The following KDM2B variants were observed in gnomAD, a reference collection of about 807,000 sequenced individuals.
The protein encoded by KDM2B is lysine demethylase 2B.
KDM2B carries 26 observed loss-of-function variants against 150.0 expected under a neutral mutation model. That is an observed-to-expected ratio of 0.17 (90% confidence interval 0.13 to 0.24). KDM2B has a LOEUF of 0.24. Among genes scored for constraint, KDM2B ranks in the 10% least tolerant of loss-of-function variants. The pLI, the probability that KDM2B is intolerant of heterozygous loss-of-function variation, is 1.00. For missense variants in KDM2B, 1,265 were observed against 1,816.9 expected, an observed-to-expected ratio of 0.70 and a Z score of 5.52; for synonymous variants, 734 against 729.5, an observed-to-expected ratio of 1.01 and a Z score of -0.10.
intron 12 of KDM2B, chr12:121,470,553 T>C (rs1168868939): frequency 4.6e-5 from 7 of 152,276 alleles, no homozygotes; most frequent in African/African-American, 1.7e-4. Context: ...GTAAGTCTGC[T>C]GTAGACATGA....
At position 121,513,535 on chromosome 12, in the gene KDM2B, G is replaced by T. The variant is rs1885770456; in HGVS notation, c.1048-133C>A. ...ATCTTAGCGAGAGCATGGATGGTCG[G>T]GGGAGAAATGGTGGGGTGCTGGAAG... is the stretch of plus-strand genomic sequence containing the variant. On this transcript the variant is annotated intron_variant, in intron 9 of 22. Coordinates refer to ENST00000377071, the MANE Select transcript of KDM2B (RefSeq NM_032590.5). This position sits in a 1 kb window ranked among gnomAD's most constrained non-coding sequence, Gnocchi z 5.0. 1 of 987,052 alleles carries T rather than the reference G, an allele frequency of 1.0e-6. No individual in the cohort carries two copies. Among genetic ancestry groups the T allele is most frequent in the Admixed American group, 2.3e-5 (1 of 43,598 alleles). The allele number at this position is 987,052 out of a possible 1,614,324, so 61.1% of individuals were successfully genotyped here. A position where few individuals can be genotyped will look rare whatever the true frequency, so the allele number is the denominator to read the frequency against.
chr12:121,428,699 T>A (rs1375260359), downstream of KDM2B, among the ~76,000 whole-genome samples: 1 of 152,282 alleles, frequency 6.6e-6, no homozygotes, highest in African/African-American at 2.4e-5. Flanking sequence ...TTAAAAAAAA[T>A]TCCGTAATCT....
At chr12:121,507,022 G>A (rs1411723407) in intron 11 of KDM2B, among the ~76,000 whole-genome samples, 15 of 151,462 alleles carry the variant, frequency 9.9e-5, no homozygotes, top group Non-Finnish European at 1.8e-4. Context: ...GTGTGAACCC[G>A]GGAGGTGGAG....
At chr12:121,569,049 T>C (rs1053743569) in intron 4 of KDM2B, among the ~76,000 whole-genome samples, 7 of 152,140 alleles carry the variant, frequency 4.6e-5, no homozygotes, top group Admixed American at 6.5e-5. Context: ...GGTAAGACAC[T>C]GGAAGACAGA....
intron 22 of KDM2B, among the ~76,000 whole-genome samples, chr12:121,433,901 C>T (rs10849882): frequency 0.34 from 52,262 of 151,924 alleles, 9,699 homozygotes; most frequent in East Asian, 0.44. Flanking sequence ...ATACATAGGC[C>T]GGGCGCGACT....
intron 9 of KDM2B, chr12:121,516,661 C>A: frequency 1.5e-6 from 1 of 689,032 alleles, no homozygotes; most frequent in African/African-American, 2.0e-5. Context: ...TGCAGGTCAT[C>A]CGTCTACCAG....
At chr12:121,439,657 G>A (rs1484083074) in intron 22 of KDM2B, among the ~76,000 whole-genome samples, 200 bp downstream of exon 22, 2 of 152,122 alleles carry the variant, frequency 1.3e-5, no homozygotes, top group Admixed American at 6.5e-5. Context: ...TGGGATTACG[G>A]GCGTGAGCTA....
chr12:121,556,081 C>G (rs1350382242), intron 4 of KDM2B, among the ~76,000 whole-genome samples: 1 of 151,888 alleles, frequency 6.6e-6, no homozygotes, highest in African/African-American at 2.4e-5. Flanking sequence ...AACGCACCAC[C>G]ACGCCTGGCT....
At chr12:121,472,453 T>C (rs182332612) in intron 12 of KDM2B, among the ~76,000 whole-genome samples, 2 of 152,300 alleles carry the variant, frequency 1.3e-5, no homozygotes, top group East Asian at 1.9e-4. Flanking sequence ...TGTTACTTAA[T>C]TGCTTTTTAT....
intron 4 of KDM2B, among the ~76,000 whole-genome samples, chr12:121,560,116 G>A (rs28587980): frequency 2.2e-4 from 34 of 152,080 alleles, no homozygotes; most frequent in Middle Eastern, 6.8e-3. Context: ...GCGATCCTCC[G>A]ACCTCAGCCT....
chr12:121,564,247 G>A (rs1381089965), intron 4 of KDM2B, among the ~76,000 whole-genome samples: 1 of 152,046 alleles, frequency 6.6e-6, no homozygotes, highest in East Asian at 1.9e-4. Flanking sequence ...CACGAGGTCA[G>A]GAGATCGAGA....
intron 12 of KDM2B, among the ~76,000 whole-genome samples, chr12:121,488,556 C>T (rs558387550): frequency 2.6e-5 from 4 of 152,266 alleles, no homozygotes; most frequent in African/African-American, 9.6e-5. Flanking sequence ...CATCTGACCC[C>T]AAAAATGCAT....
Position 121,472,015 on chromosome 12 carries a change from C to T in KDM2B, c.1735-18671G>A, listed in dbSNP as rs557002775. Among the ~76,000 whole-genome samples the T allele has an allele frequency of 5.3e-5, 8 of 152,162 alleles. No individual in the cohort carries two copies. The South Asian group carries it at 1.5e-3, about 28-fold the overall frequency. ...ACGCGTGCCTATAATCCCAGCTACT[C>T]GGGAGGCTGGGGCAGGAGAATCGCT... On this transcript the variant is annotated intron_variant, in intron 12 of 22. Transcript: ENST00000377071.
intron 12 of KDM2B, among the ~76,000 whole-genome samples, chr12:121,462,514 G>A (rs1275155078): frequency 1.3e-5 from 2 of 148,906 alleles, no homozygotes; most frequent in Non-Finnish European, 3.0e-5. Context: ...TTTTTTTTGA[G>A]ACGGAGTCTC....
the KDM2B span, chr12:121,420,723 A>G: frequency 6.2e-7 from 1 of 1,614,186 alleles, no homozygotes; most frequent in African/African-American, 1.3e-5. Context: ...AAAAATGGGA[A>G]CTGGTAGAGA....
At position 121,499,518 on chromosome 12, in the gene KDM2B, G is replaced by A. The variant is rs1265797803; in HGVS notation, c.1648-4853C>T. Among the ~76,000 whole-genome samples, 3 of 152,066 alleles carry A rather than the reference G, an allele frequency of 2.0e-5. No individual in the cohort carries two copies. In the East Asian group the frequency reaches 5.8e-4, roughly 29 times the overall value. On this transcript the variant is annotated intron_variant, in intron 11 of 22. Transcript: ENST00000377071. ...ATTTAAAAATTAGCTGGGCATGGTG[G>A]TGTGCACCTGTAGTCCTAGCTTCTT...
chr12:121,532,348 A>C (rs1555307962), intron 8 of KDM2B, among the ~76,000 whole-genome samples: 1 of 152,118 alleles, frequency 6.6e-6, no homozygotes, highest in African/African-American at 2.4e-5. Context: ...ATCTGAACTC[A>C]CTCAGCCCTC....
intron 4 of KDM2B, among the ~76,000 whole-genome samples, chr12:121,563,499 C>T (rs1354638382): frequency 6.6e-5 from 10 of 151,076 alleles, no homozygotes; most frequent in Admixed American, 2.0e-4. Flanking sequence ...CCTGGCTACT[C>T]GGGAGGCTGA....
rs1875962170 is a variant in KDM2B at position 121,445,351 on chromosome 12, T to C, written c.2027A>G (p.Glu676Gly). Residue 676 changes from glutamate (E) to glycine (G), a missense_variant, in exon 14 of 23, where the codon GAG becomes GGG. Glu to Gly is a moderately conservative substitution (Grantham distance 98). Around this residue, in one of 11 missense-constraint regions of KDM2B, gnomAD observed 30 missense variants for 32.0 expected, o/e 0.94. Transcript: ENST00000377071. Reference sequence around the variant, plus strand: ...CATGAGGTTAAACTTGCCTTCCTCCTCTTCCACCGTGTCTTCCTTCCCCGC... The same window carrying C: ...CATGAGGTTAAACTTGCCTTCCTCCCCTTCCACCGTGTCTTCCTTCCCCGC... ...GEAGKEDTVE[E>G]EEGKFNLMLM... 1 of 1,612,088 alleles carries C rather than the reference T, an allele frequency of 6.2e-7. No homozygotes were observed. Among genetic ancestry groups the C allele is most frequent in the African/African-American group, 1.3e-5 (1 of 74,986 alleles).
Sources: allele counts gnomAD v4.1 joint callset (sites outside exome capture counted in the v4.1 genomes callset), GRCh38; gene constraint gnomAD v4.1.1; regional missense constraint gnomAD v4.1.1; non-coding constraint Gnocchi (gnomAD v3.1); transcripts MANE v1.5; gene names NCBI Gene and HGNC (gene_info 2026-07-23, HGNC 2026-07-21).